The following TTC39B variants were observed in gnomAD, a reference collection of about 807,000 sequenced individuals.
The protein encoded by TTC39B is tetratricopeptide repeat domain 39B, also known as tetratricopeptide repeat protein 39B.
A neutral mutation model predicts 96.6 loss-of-function variants in TTC39B; 92 were observed. The ratio of observed to expected loss-of-function variants is 0.95; its 90% CI spans 0.80 to 1.13. The LOEUF (loss-of-function observed/expected upper bound fraction) is 1.13, where lower values mean the gene tolerates loss of function less well. Ranked by LOEUF, TTC39B falls within the 50% of genes most tolerant of loss-of-function variation. The probability of loss-of-function intolerance (pLI) is 0.00; values close to 1 mark genes in which losing one functional copy is unlikely to be tolerated. For synonymous variants in TTC39B, 367 were observed against 299.4 expected, an observed-to-expected ratio of 1.23 and a Z score of -2.33; for missense variants, 955 against 809.3, an observed-to-expected ratio of 1.18 and a Z score of -2.18.
chr9:15,282,450 A>T (rs778991952), intron 1 of TTC39B, among the ~76,000 whole-genome samples: 68 of 152,234 alleles, frequency 4.5e-4, no homozygotes, highest in African/African-American at 1.5e-3. Flanking sequence ...TATAAAACTT[A>T]ATCTTAACAT....
At chr9:15,236,789 C>T (rs1821801043) in intron 2 of TTC39B, among the ~76,000 whole-genome samples, 1 of 152,116 alleles carries the variant, frequency 6.6e-6, no homozygotes, top group Non-Finnish European at 1.5e-5. Flanking sequence ...AACAAAGACA[C>T]AACATACTAA....
intron 13 of TTC39B, among the ~76,000 whole-genome samples, chr9:15,189,114 T>C (rs1291149507): frequency 5.3e-5 from 8 of 152,232 alleles, no homozygotes; most frequent in Non-Finnish European, 1.2e-4. Flanking sequence ...TGTGAATGTA[T>C]ATACATAAAT....
intron 15 of TTC39B, among the ~76,000 whole-genome samples, chr9:15,185,890 G>C (rs934897288): frequency 1.3e-5 from 2 of 152,148 alleles, no homozygotes; most frequent in Non-Finnish European, 2.9e-5. Flanking sequence ...TGGCTCAAAA[G>C]ACAGCCAACA....
In TTC39B at chr9:15,306,954, C is replaced by G; in HGVS notation, c.240+130G>C. 1.4e-6 allele frequency: 2 copies of G among 1,390,106 alleles called. No homozygotes were observed. The highest frequency in any genetic ancestry group is 1.9e-6 in the Non-Finnish European group (2 of 1,039,180). The allele number at this position is 1,390,106 out of a possible 1,614,324, so 86.1% of individuals were successfully genotyped here. On this transcript the variant is annotated intron_variant, in intron 1 of 19. Coordinates refer to ENST00000512701, the Ensembl canonical transcript of TTC39B. The surrounding 1 kb of genome is among the most constrained non-coding windows in gnomAD (Gnocchi z 5.1). The stretch of plus-strand genomic sequence containing the variant: ...CAAGGCCGGGCGCCCCCACCCGGCG[C>G]CCGCCAGCCCACCCCAGAGAGGGGA...
At chr9:15,236,235 T>C (rs888348074) in intron 2 of TTC39B, among the ~76,000 whole-genome samples, 2 of 152,216 alleles carry the variant, frequency 1.3e-5, no homozygotes, top group African/African-American at 4.8e-5. Flanking sequence ...GGACATTATG[T>C]ATAATGATAA....
chr9:15,239,195 C>T (rs1348021469), intron 2 of TTC39B, among the ~76,000 whole-genome samples: 1 of 151,690 alleles, frequency 6.6e-6, no homozygotes, highest in Non-Finnish European at 1.5e-5. Flanking sequence ...CAGAGAAACA[C>T]AAATTAAAAC....
At chr9:15,305,954 G>C (rs530255087) in intron 1 of TTC39B, among the ~76,000 whole-genome samples, 3 of 151,964 alleles carry the variant, frequency 2.0e-5, no homozygotes, top group Admixed American at 6.6e-5. Context: ...TGGACAGCCC[G>C]GCTTGCCCTC....
intron 2 of TTC39B, among the ~76,000 whole-genome samples, chr9:15,234,045 G>GCGA (rs1404554052): frequency 1.5e-5 from 2 of 134,710 alleles, no homozygotes; most frequent in Non-Finnish European, 3.1e-5. Context: ...CTGACCCGCC[G>GCGA]CCCCGTCTGG....
intron 2 of TTC39B, among the ~76,000 whole-genome samples, chr9:15,251,125 G>A (rs896169568): frequency 3.3e-5 from 5 of 152,106 alleles, no homozygotes; most frequent in African/African-American, 1.2e-4. Context: ...GAACCCGGGA[G>A]GTGGAGGTTG....
At chr9:15,207,915 C>T (rs1171536806) in intron 6 of TTC39B, among the ~76,000 whole-genome samples, 4 of 132,106 alleles carry the variant, frequency 3.0e-5, no homozygotes, top group African/African-American at 5.9e-5. Flanking sequence ...ACCTGGGAGG[C>T]GGAGCTTGCA....
intron 1 of TTC39B, among the ~76,000 whole-genome samples, chr9:15,283,639 G>T (rs187739216): frequency 3.0e-4 from 46 of 152,236 alleles, no homozygotes; most frequent in East Asian, 2.7e-3. Context: ...TGTAGGATTT[G>T]CCCTGAAAAA....
chr9:15,187,005 A>G (rs1255227613), exon 15 of TTC39B: 2 of 1,613,292 alleles, frequency 1.2e-6, no homozygotes, highest in Admixed American at 3.3e-5. Context: ...AGCATACTCA[A>G]AATTGCTGCT....
intron 9 of TTC39B, among the ~76,000 whole-genome samples, chr9:15,192,375 C>T (rs574006772): frequency 8.5e-5 from 13 of 152,300 alleles, no homozygotes; most frequent in East Asian, 5.8e-4. Flanking sequence ...GAGTACCACA[C>T]GCTTCCCTTA....
intron 2 of TTC39B, chr9:15,250,007 C>T (rs1314269136): frequency 1.6e-6 from 2 of 1,287,408 alleles, no homozygotes; most frequent in Non-Finnish European, 1.0e-6. Flanking sequence ...TTTTTTTAAG[C>T]CAACTAAAAG....
exon 20 of TTC39B, chr9:15,170,456 T>C (rs1322494036): frequency 1.3e-5 from 2 of 152,222 alleles, no homozygotes; most frequent in Non-Finnish European, 2.9e-5. Flanking sequence ...TAAAAAACCA[T>C]AATTATTATA....
intron 3 of TTC39B, among the ~76,000 whole-genome samples, chr9:15,214,583 G>A (rs779542508): frequency 2.0e-5 from 3 of 152,044 alleles, no homozygotes; most frequent in East Asian, 1.9e-4. Flanking sequence ...TTTTGTCCTG[G>A]CCAGTAGAGG....
At position 15,258,579 on chromosome 9, in the gene TTC39B, A is replaced by C. The variant is rs533164468; in HGVS notation, c.275+9335T>G. Among the ~76,000 whole-genome samples the C allele has an allele frequency of 3.9e-5, 6 of 152,342 alleles. No individual in the cohort carries two copies. In the South Asian group the frequency reaches 1.2e-3, roughly 32 times the overall value. ...AGCAGCCATGTCAAGAAGGTTACTT[A>C]TGGAGGAGGCAAGGAACTCAGTGTA... On this transcript the variant is annotated intron_variant, in intron 2 of 19. Coordinates refer to ENST00000512701, the Ensembl canonical transcript of TTC39B.
chr9:15,233,437 G>A (rs1380216661), intron 2 of TTC39B, among the ~76,000 whole-genome samples: 1 of 152,028 alleles, frequency 6.6e-6, no homozygotes, highest in African/African-American at 2.4e-5. Context: ...TGCCATCTGG[G>A]CTCACTGCAA....
chr9:15,260,148 G>C (rs1213712906), intron 2 of TTC39B, among the ~76,000 whole-genome samples: 1 of 152,042 alleles, frequency 6.6e-6, no homozygotes, highest in Non-Finnish European at 1.5e-5. Flanking sequence ...AATCTCATTA[G>C]AGGGTTTTTT....
Sources: gnomAD v4.1 joint callset for allele counts (sites outside exome capture counted in the v4.1 genomes callset) on GRCh38, gnomAD v4.1.1 for gene constraint, Gnocchi (gnomAD v3.1) non-coding constraint, MANE v1.5 for transcripts, NCBI Gene and HGNC (gene_info 2026-07-23, HGNC 2026-07-21) for gene names.